The following PCCA variants were observed in gnomAD, a reference collection of about 807,000 sequenced individuals.
PCCA encodes propionyl-CoA carboxylase subunit alpha, also known as propionyl-CoA carboxylase alpha chain, mitochondrial.
PCCA carries 74 observed loss-of-function variants against 101.3 expected under a neutral mutation model. That is an observed-to-expected ratio of 0.73 (90% confidence interval 0.61 to 0.89). The LOEUF is 0.89. Among genes scored for constraint, PCCA ranks in the 40% least tolerant of loss-of-function variants. PCCA has a pLI of 0.00. For missense variants in PCCA, 891 were observed against 907.0 expected (o/e 0.98, Z 0.23); for synonymous variants, 294 against 313.6 (o/e 0.94, Z 0.66).
chr13:100,471,321 C>G (rs1324404921), intron 21 of PCCA, among the ~76,000 whole-genome samples: 1 of 152,164 alleles, frequency 6.6e-6, no homozygotes, highest in Non-Finnish European at 1.5e-5. Context: ...CATCAAAGAT[C>G]AGCGATGACA....
chr13:100,333,928 A>G (rs577393622), intron 17 of PCCA, among the ~76,000 whole-genome samples: 12 of 152,228 alleles, frequency 7.9e-5, no homozygotes, highest in Non-Finnish European at 1.0e-4. Context: ...CAAATAATTG[A>G]TATAGGCTCT....
At chr13:100,210,602 TG>T (rs1421872791) in intron 7 of PCCA, among the ~76,000 whole-genome samples, 1 of 152,248 alleles carries the variant, frequency 6.6e-6, no homozygotes, top group Non-Finnish European at 1.5e-5. Context: ...TGAAGGCTTC[TG>T]AGGGAGAAAT....
At chr13:100,264,701 T>C (rs927007711) in intron 10 of PCCA, among the ~76,000 whole-genome samples, 1 of 152,174 alleles carries the variant, frequency 6.6e-6, no homozygotes, top group Non-Finnish European at 1.5e-5. Context: ...TATGAACATA[T>C]ATACATCTCT....
intron 12 of PCCA, among the ~76,000 whole-genome samples, chr13:100,281,807 C>T (rs1293128164): frequency 6.6e-6 from 1 of 152,146 alleles, no homozygotes; most frequent in Non-Finnish European, 1.5e-5. Context: ...TATAATTTCA[C>T]CAGATCTCTA....
intron 16 of PCCA, among the ~76,000 whole-genome samples, chr13:100,316,108 C>A (rs1014650177): frequency 2.0e-5 from 3 of 152,062 alleles, no homozygotes; most frequent in African/African-American, 7.2e-5. Context: ...AATTAATGGA[C>A]AGTAGTTTCG....
chr13:100,223,727 G>T (rs2059959053), intron 7 of PCCA, among the ~76,000 whole-genome samples: 1 of 152,096 alleles, frequency 6.6e-6, no homozygotes, highest in Non-Finnish European at 1.5e-5. Flanking sequence ...GGTCTGTTTT[G>T]ACAGGGCACT....
At chr13:100,133,795 C>A (rs531523871) in intron 4 of PCCA, among the ~76,000 whole-genome samples, 44 of 152,272 alleles carry the variant, frequency 2.9e-4, no homozygotes, top group Non-Finnish European at 5.4e-4. Flanking sequence ...GGTGGGCACC[C>A]TCTAATCAGC....
intron 7 of PCCA, among the ~76,000 whole-genome samples, chr13:100,218,513 G>A (rs1166446487): frequency 2.6e-5 from 4 of 152,152 alleles, no homozygotes; most frequent in Non-Finnish European, 5.9e-5. Flanking sequence ...TTTGGGGTAT[G>A]TACCCAAGAG....
chr13:100,412,520 A>G (rs991726881), intron 19 of PCCA, among the ~76,000 whole-genome samples: 4 of 152,160 alleles, frequency 2.6e-5, no homozygotes, highest in Admixed American at 6.5e-5. Context: ...CCATTTTTCT[A>G]TTTCTTATTA....
At chr13:100,412,976 G>A (rs2078144426) in intron 19 of PCCA, among the ~76,000 whole-genome samples, 1 of 152,136 alleles carries the variant, frequency 6.6e-6, no homozygotes, top group African/African-American at 2.4e-5. Flanking sequence ...CATGTTATTT[G>A]TATTATAATG....
chr13:100,292,364 G>A (rs2065191142), intron 12 of PCCA, among the ~76,000 whole-genome samples: 1 of 152,122 alleles, frequency 6.6e-6, no homozygotes, highest in Non-Finnish European at 1.5e-5. Context: ...CCATAAGCAA[G>A]TTCCTTAACT....
At chr13:100,411,818 C>T (rs571647718) in intron 19 of PCCA, among the ~76,000 whole-genome samples, 1 of 152,212 alleles carries the variant, frequency 6.6e-6, no homozygotes, top group African/African-American at 2.4e-5. Context: ...CAGGAGGGCT[C>T]CACCCCCACC....
At chr13:100,452,762 G>A (rs2081425256) in intron 21 of PCCA, among the ~76,000 whole-genome samples, 1 of 152,170 alleles carries the variant, frequency 6.6e-6, no homozygotes, top group Admixed American at 6.5e-5. Context: ...TGAGTGCAGG[G>A]TGATTTGTCT....
intron 21 of PCCA, among the ~76,000 whole-genome samples, chr13:100,463,810 T>G (rs980162072): frequency 3.9e-5 from 6 of 152,156 alleles, no homozygotes; most frequent in African/African-American, 1.4e-4. Context: ...ATGGAGTCAC[T>G]TACAAAATGA....
chr13:100,346,990 C>T (rs1268790023), intron 18 of PCCA, among the ~76,000 whole-genome samples: 1 of 152,100 alleles, frequency 6.6e-6, no homozygotes, highest in Non-Finnish European at 1.5e-5. Context: ...TCTCCTGCCT[C>T]AGCCTCCCAA....
intron 22 of PCCA, among the ~76,000 whole-genome samples, chr13:100,524,488 A>C (rs1446877467): frequency 6.6e-6 from 1 of 151,770 alleles, no homozygotes; most frequent in African/African-American, 2.4e-5. Context: ...TTTAAACACC[A>C]TCTCTTAGGG....
At chr13:100,517,903 G>A (rs1290549638) in intron 22 of PCCA, among the ~76,000 whole-genome samples, 1 of 152,118 alleles carries the variant, frequency 6.6e-6, no homozygotes, top group Non-Finnish European at 1.5e-5. Context: ...TAAAACACAA[G>A]AAGCTTCCTT....
At chr13:100,506,762 G>A (rs557041642) in intron 21 of PCCA, among the ~76,000 whole-genome samples, 82 of 152,174 alleles carry the variant, frequency 5.4e-4, no homozygotes, top group Middle Eastern at 3.4e-3. Flanking sequence ...TGAGCAAAGA[G>A]CATTTCAGAT....
chr13:100,193,592 C>A (rs1189740663), intron 6 of PCCA, among the ~76,000 whole-genome samples: 1 of 152,070 alleles, frequency 6.6e-6, no homozygotes, highest in Non-Finnish European at 1.5e-5. Context: ...ATTCCTTGTT[C>A]TTTTAATTCA....
Sources: gnomAD v4.1 joint callset for allele counts (sites outside exome capture counted in the v4.1 genomes callset) on GRCh38, gnomAD v4.1.1 for gene constraint, MANE v1.5 for transcripts, NCBI Gene and HGNC (gene_info 2026-07-23, HGNC 2026-07-21) for gene names.